The following CEP162 variants were observed in gnomAD, a reference collection of about 807,000 sequenced individuals.
The protein encoded by CEP162 is centrosomal protein 162.
Under a neutral mutation model 169.2 loss-of-function variants are expected in CEP162, and 141 were observed. The ratio of observed to expected loss-of-function variants is 0.83; its 90% CI spans 0.73 to 0.96. CEP162 has a LOEUF of 0.96. Ranked by LOEUF, CEP162 falls within the 40% of genes least tolerant of loss-of-function variation. The probability of loss-of-function intolerance (pLI) is 0.00; values close to 1 mark genes in which losing one functional copy is unlikely to be tolerated. For missense variants in CEP162, 1,600 were observed against 1,587.2 expected (o/e 1.01, Z -0.14); for synonymous variants, 540 against 526.4 (o/e 1.03, Z -0.35).
chr6:84,203,833 T>C (rs2099545619), intron 7 of CEP162, 148 bp downstream of exon 7: 1 of 418,078 alleles, frequency 2.4e-6, no homozygotes, highest in African/African-American at 2.1e-5. Context: ...GTTAAGAAAA[T>C]GTTTAACTGA....
intron 5 of CEP162, 39 bp from the exon 6 acceptor site, chr6:84,213,063 AAAACAT>A: frequency 8.0e-7 from 1 of 1,248,236 alleles, no homozygotes; most frequent in Non-Finnish European, 1.1e-6. Flanking sequence ...TTACATGTTA[AAAACAT>A]ATTCTCATGC....
chr6:84,167,230 C>A (rs749694037), intron 18 of CEP162, among the ~76,000 whole-genome samples: 3 of 152,126 alleles, frequency 2.0e-5, no homozygotes, highest in Non-Finnish European at 4.4e-5. Flanking sequence ...CTCTATTTTT[C>A]TGTTTCACTC....
Position 84,213,028 on chromosome 6 carries a change from G to A in CEP162, c.504-4C>T. The A allele has an allele frequency of 1.3e-6, 2 of 1,512,684 alleles. No homozygotes were observed. Among genetic ancestry groups the A allele is most frequent in the Non-Finnish European group, 1.8e-6 (2 of 1,115,488 alleles). 93.7% of individuals were successfully genotyped at this position (1,512,684 alleles called of 1,614,324 possible). A position where few individuals can be genotyped will look rare whatever the true frequency, so the allele number is the denominator to read the frequency against. On this transcript the variant is annotated splice_polypyrimidine_tract_variant and splice_region_variant and intron_variant, in intron 5 of 26. Transcript: ENST00000403245. ...TAGTTCTGCGTTGGCTTGATTACTG[G>A]AAAAAATATTTATTTAATTTAGCAT... is the stretch of plus-strand genomic sequence containing the variant.
At chr6:84,204,889 GA>G (rs1309088604) in intron 6 of CEP162, among the ~76,000 whole-genome samples, 3 of 152,094 alleles carry the variant, frequency 2.0e-5, no homozygotes, top group African/African-American at 7.2e-5. Context: ...TGGTAAAGGG[GA>G]TATCACCACC....
At chr6:84,189,889 C>A (rs1194398101) in intron 11 of CEP162, among the ~76,000 whole-genome samples, 1 of 152,214 alleles carries the variant, frequency 6.6e-6, no homozygotes, top group East Asian at 1.9e-4. Context: ...TGTAAATACA[C>A]CAATCAGCAC....
intron 25 of CEP162, among the ~76,000 whole-genome samples, chr6:84,139,692 A>C (rs73483298): frequency 0.087 from 13,202 of 152,204 alleles, 1,473 homozygotes; most frequent in African/African-American, 0.26. Context: ...AAGGAAGGTA[A>C]AATTTTTCCT....
At chr6:84,174,591 C>A (rs1311838260) in intron 15 of CEP162, 136 bp downstream of exon 15, 1 of 566,096 alleles carries the variant, frequency 1.8e-6, no homozygotes, top group East Asian at 3.0e-5. Context: ...CTCTTGGAAC[C>A]ATTCTATATT....
intron 6 of CEP162, among the ~76,000 whole-genome samples, chr6:84,204,728 C>T (rs1455258683): frequency 6.6e-6 from 1 of 152,118 alleles, no homozygotes; most frequent in African/African-American, 2.4e-5. Flanking sequence ...TAACTAAGAT[C>T]AGAGCAGAAT....
chr6:84,148,759 T>A (rs1467567783), intron 24 of CEP162, among the ~76,000 whole-genome samples: 2 of 152,138 alleles, frequency 1.3e-5, no homozygotes, highest in Admixed American at 6.6e-5. Flanking sequence ...AATTGAAGCC[T>A]ACAGACAAGA....
chr6:84,134,806 C>T (rs1233296168), intron 25 of CEP162, among the ~76,000 whole-genome samples: 4 of 151,950 alleles, frequency 2.6e-5, no homozygotes, highest in Non-Finnish European at 5.9e-5. Context: ...TCTTGCCAGC[C>T]TCCCCCCCAC....
intron 13 of CEP162, among the ~76,000 whole-genome samples, chr6:84,183,618 T>C (rs188360579): frequency 2.0e-4 from 30 of 152,266 alleles, no homozygotes; most frequent in African/African-American, 2.4e-4. Flanking sequence ...TCACACTCCA[T>C]TGATGCCCTT....
chr6:84,125,526 G>A (rs1034477240), intron 26 of CEP162, among the ~76,000 whole-genome samples: 2 of 152,224 alleles, frequency 1.3e-5, no homozygotes, highest in South Asian at 2.1e-4. Context: ...TGTATGTGGA[G>A]TAAGGAAATA....
In CEP162 at chr6:84,185,413, C is replaced by G; in HGVS notation, c.1437G>C (p.Gly479=). The G allele has an allele frequency of 6.2e-7, 1 of 1,613,366 alleles. No individual in the cohort carries two copies. Among genetic ancestry groups the G allele is most frequent in the Non-Finnish European group, 8.5e-7 (1 of 1,179,452 alleles). The change falls in exon 13 of 27, where the codon GGG becomes GGC. Residue 479 remains glycine, a synonymous_variant. Transcript: ENST00000403245. The part of the protein sequence containing the change: ...YRSQLSSEEE[G]AVMGKQVPYK... ...ATGGTACCTGTTTACCCATTACAGC[C>G]CCTTCTTCTTCAGAACTAAGTTGAG...
intron 13 of CEP162, among the ~76,000 whole-genome samples, chr6:84,183,500 A>T (rs2099535792): frequency 6.6e-6 from 1 of 152,048 alleles, no homozygotes; most frequent in South Asian, 2.1e-4. Context: ...ACCTACTATG[A>T]CTATCATCTT....
intron 9 of CEP162, among the ~76,000 whole-genome samples, chr6:84,200,363 G>C (rs2099543981): frequency 6.6e-6 from 1 of 152,234 alleles, no homozygotes; most frequent in Admixed American, 6.5e-5. Flanking sequence ...CTTTAGGAAA[G>C]TCTAGTTGGT....
intron 19 of CEP162, among the ~76,000 whole-genome samples, chr6:84,162,258 G>A (rs1263385069): frequency 6.6e-6 from 1 of 152,018 alleles, no homozygotes; most frequent in Admixed American, 6.6e-5. Context: ...AATGAAGAAC[G>A]CCCATAATTA....
chr6:84,143,191 T>G (rs2099517393), intron 25 of CEP162, among the ~76,000 whole-genome samples: 1 of 152,076 alleles, frequency 6.6e-6, no homozygotes, highest in African/African-American at 2.4e-5. Context: ...AGACTCATAT[T>G]GCTGAACATA....
At chr6:84,127,992 A>AT (rs1039665021) in intron 25 of CEP162, among the ~76,000 whole-genome samples, 16 of 152,260 alleles carry the variant, frequency 1.1e-4, no homozygotes, top group African/African-American at 3.8e-4. Context: ...CAGATGTCTC[A>AT]TTTTTTTATT....
In CEP162 at chr6:84,195,203, C is replaced by T. The variant is rs1164374537; in HGVS notation, c.836-128G>A. 6.8e-6 allele frequency: 5 copies of T among 732,516 alleles called. No homozygotes were observed. The African/African-American group carries it at 7.2e-5, about 10-fold the overall frequency. 45.4% of individuals were successfully genotyped at this position (732,516 alleles called of 1,614,324 possible). A position where few individuals can be genotyped will look rare whatever the true frequency, so the allele number is the denominator to read the frequency against. ...AGTTAAGTACTAACTAGGTAATTTG[C>T]AGCTATGGCCTACCAGCATGGATTC... On this transcript the variant is annotated intron_variant, in intron 9 of 26. Transcript: ENST00000403245.
Sources: gnomAD v4.1 joint callset for allele counts (sites outside exome capture counted in the v4.1 genomes callset) on GRCh38, gnomAD v4.1.1 for gene constraint, MANE v1.5 for transcripts, NCBI Gene and HGNC (gene_info 2026-07-23, HGNC 2026-07-21) for gene names.